Variants in CYP2U1 observed in about 807,000 individuals in gnomAD.
CYP2U1 encodes cytochrome P450 family 2 subfamily U member 1, also known as cytochrome P450 2U1.
A neutral mutation model predicts 42.8 loss-of-function variants in CYP2U1; 28 were observed. The ratio of observed to expected loss-of-function variants is 0.65; its 90% CI spans 0.48 to 0.90. CYP2U1 has a LOEUF of 0.90. CYP2U1 is among the 40% of genes least tolerant of loss of function. The pLI, the probability that CYP2U1 is intolerant of heterozygous loss-of-function variation, is 0.00. For synonymous variants in CYP2U1, 296 were observed against 278.9 expected (o/e 1.06, Z -0.61); for missense variants, 642 against 693.8 (o/e 0.93, Z 0.84).
intron 1 of CYP2U1, 153 bp downstream of exon 1, chr4:107,932,286 C>T (rs1224059766): frequency 1.1e-6 from 1 of 895,028 alleles, no homozygotes; most frequent in Non-Finnish European, 1.3e-6. Flanking sequence ...GTGGTGGCGG[C>T]GCTTCTCCTT....
intron 1 of CYP2U1, among the ~76,000 whole-genome samples, chr4:107,932,747 G>A (rs895263482): frequency 6.6e-6 from 1 of 152,176 alleles, no homozygotes; most frequent in Non-Finnish European, 1.5e-5. Flanking sequence ...GTCCCCCTTT[G>A]TCTTACTGGC....
intron 3 of CYP2U1, among the ~76,000 whole-genome samples, chr4:107,948,823 C>G (rs1317559968): frequency 6.6e-6 from 1 of 151,984 alleles, no homozygotes; most frequent in Non-Finnish European, 1.5e-5. Flanking sequence ...GATCACTTAA[C>G]GGGTTTTTTT....
At position 107,952,687 on chromosome 4, in the gene CYP2U1, A is replaced by G. The variant is rs1462884063; in HGVS notation, c.*2264A>G. 6.6e-6 allele frequency: 1 copy of G among 152,216 alleles called. No individual in the cohort carries two copies. The highest frequency in any genetic ancestry group is 1.5e-5 in the Non-Finnish European group (1 of 68,036). 9.4% of individuals were successfully genotyped at this position (152,216 alleles called of 1,614,324 possible). On this transcript the variant is annotated 3_prime_UTR_variant, in exon 5 of 5. Coordinates refer to ENST00000332884, the MANE Select transcript of CYP2U1 (RefSeq NM_183075.3). The stretch of plus-strand genomic sequence containing the variant: ...ATGGCATTCCAGGGCAATTGTGAAC[A>G]TGAGGCTAGATTTTTCCTTTGATTT...
chr4:107,935,615 A>T (rs973977624), intron 1 of CYP2U1: 6 of 152,266 alleles, frequency 3.9e-5, no homozygotes, highest in African/African-American at 1.2e-4. Context: ...AGAGTGAAGA[A>T]TAAAAAGGGA....
intron 1 of CYP2U1, chr4:107,938,511 T>C (rs928818979): frequency 6.6e-6 from 1 of 152,134 alleles, no homozygotes; most frequent in Non-Finnish European, 1.5e-5. Flanking sequence ...CATTTTTCAT[T>C]GAAAAGCTGG....
intron 3 of CYP2U1, among the ~76,000 whole-genome samples, chr4:107,948,191 C>T (rs1733773426): frequency 7.3e-6 from 1 of 137,682 alleles, no homozygotes; most frequent in Non-Finnish European, 1.6e-5. Flanking sequence ...TCGCTTGGAC[C>T]TGGGAGGTTG....
rs781551534 is a variant in CYP2U1, at chr4:107,947,538, G to C, written c.1288+1G>C. On this transcript the variant is annotated splice_donor_variant, in intron 3 of 4. Coordinates refer to ENST00000332884, the MANE Select transcript of CYP2U1 (RefSeq NM_183075.3). LOFTEE classifies it high-confidence loss of function. Reference sequence around the variant, plus strand: ...CCTCATATGACCTCAGAGAACACAGGCAAGTCCAGGGTCTTCCTCTTTGAA... The same window carrying C: ...CCTCATATGACCTCAGAGAACACAGCCAAGTCCAGGGTCTTCCTCTTTGAA... 3.1e-6 allele frequency: 5 copies of C among 1,613,880 alleles called. No homozygotes were observed. The highest frequency in any genetic ancestry group is 2.2e-5 in the South Asian group (2 of 91,054).
chr4:107,952,998 G>C lies in CYP2U1; in HGVS notation c.*2575G>C, dbSNP rs1560706391. 1 of 152,174 alleles carries C rather than the reference G, an allele frequency of 6.6e-6. No individual in the cohort carries two copies. The highest frequency in any genetic ancestry group is 2.4e-5 in the African/African-American group (1 of 41,444). 9.4% of individuals were successfully genotyped at this position (152,174 alleles called of 1,614,324 possible). On this transcript the variant is annotated 3_prime_UTR_variant, in exon 5 of 5. Coordinates refer to ENST00000332884, the MANE Select transcript of CYP2U1 (RefSeq NM_183075.3). ...GAACTGAGTGGATGGGGTAGCTGCT[G>C]TATAGATTTTTAGATGAGATGATAC...
chr4:107,945,247 A>G lies in CYP2U1; in HGVS notation c.768A>G (p.Ser256=), dbSNP rs556388568. 3.1e-6 allele frequency: 5 copies of G among 1,614,116 alleles called. No individual in the cohort carries two copies. In the East Asian group the frequency reaches 1.1e-4, roughly 36 times the overall value. ...TCAAGAAAATGCTTGGTTTTATGTC[A>G]CGAGGCCTAGAAATCTGTCTGAACA... The part of the protein sequence containing the change: ...SEFKKMLGFM[S]RGLEICLNSQ... Residue 256 remains serine (S), a synonymous_variant, in exon 2 of 5, where the codon TCA becomes TCG. Coordinates refer to ENST00000332884, the MANE Select transcript of CYP2U1 (RefSeq NM_183075.3).
Position 107,931,732 on chromosome 4 carries a change from T to C in CYP2U1, c.89T>C (p.Leu30Pro). ...LLRAPLGLLR[L>P]DPSGGALLLC... ...CGTGCGCCTCTGGGGCTGCTGCGGC[T>C]GGACCCCAGCGGGGGCGCGCTGCTG... Residue 30 changes from leucine (L) to proline (P), a missense_variant, in exon 1 of 5, where the codon CTG becomes CCG. Leu to Pro is a moderately conservative substitution (Grantham distance 98). Coordinates refer to ENST00000332884, the MANE Select transcript of CYP2U1 (RefSeq NM_183075.3). 1 of 1,411,536 alleles carries C rather than the reference T, an allele frequency of 7.1e-7. No individual in the cohort carries two copies. The allele number at this position is 1,411,536 out of a possible 1,614,324, so 87.4% of individuals were successfully genotyped here. A position where few individuals can be genotyped will look rare whatever the true frequency, so the allele number is the denominator to read the frequency against.
intron 1 of CYP2U1, among the ~76,000 whole-genome samples, chr4:107,939,283 C>G (rs1427536133): frequency 6.6e-6 from 1 of 152,184 alleles, no homozygotes; most frequent in East Asian, 1.9e-4. Context: ...CCTCTGAATA[C>G]TCTGCAGCAG....
chr4:107,950,383 T>G lies in CYP2U1; in HGVS notation c.1595T>G (p.Leu532Ter). 6.2e-7 allele frequency: 1 copy of G among 1,613,316 alleles called. No homozygotes were observed. The highest frequency in any genetic ancestry group is 8.5e-7 in the Non-Finnish European group (1 of 1,179,818). The change falls in exon 5 of 5, where the codon TTA becomes TGA. Residue 532 changes from leucine to a stop codon, truncating the protein, a stop_gained. Coordinates refer to ENST00000332884, the MANE Select transcript of CYP2U1 (RefSeq NM_183075.3). LOFTEE classifies it high-confidence loss of function. ...CTGACTGGAAGATTTGGTCTAACTT[T>G]AGCCCCACATCCATTTAATATAACT... is the stretch of plus-strand genomic sequence containing the variant. ...PLLTGRFGLT[L>*]APHPFNITIS...
At chr4:107,935,647 T>C (rs950167816) in intron 1 of CYP2U1, 10 of 152,198 alleles carry the variant, frequency 6.6e-5, no homozygotes, top group African/African-American at 2.4e-4. Context: ...TATTTCAAGA[T>C]GATCATCAAA....
intron 2 of CYP2U1, among the ~76,000 whole-genome samples, chr4:107,946,826 A>C (rs901768880): frequency 6.6e-6 from 1 of 152,058 alleles, no homozygotes; most frequent in African/African-American, 2.4e-5. Flanking sequence ...TGACCCTTCC[A>C]TAAGGCCACT....
Position 107,931,670 on chromosome 4 carries a change from G to GCCGGCCGAGGAC in CYP2U1, c.31_42dup (p.Ala11_Pro14dup), listed in dbSNP as rs1026306428. 7 of 1,261,720 alleles carry GCCGGCCGAGGAC rather than the reference G, an allele frequency of 5.5e-6. No homozygotes were observed. In the African/African-American group the frequency reaches 1.1e-4, roughly 20 times the overall value. 78.2% of individuals were successfully genotyped at this position (1,261,720 alleles called of 1,614,324 possible). On this transcript the variant is annotated inframe_insertion, in exon 1 of 5. Transcript: ENST00000332884. ...TGTCGTCTCCGGGGCCGTCGCAGCC[G>GCCGGCCGAGGAC]CCGGCCGAGGACCCGCCCTGGCCCG... is the stretch of plus-strand genomic sequence containing the variant.
rs184089261 is a variant in CYP2U1, at chr4:107,943,208, A to G, written c.491-1762A>G. Among the ~76,000 whole-genome samples, 160 of 152,352 alleles carry G rather than the reference A, an allele frequency of 1.1e-3. 1 individual carries two copies. Among genetic ancestry groups the G allele is most frequent in the African/African-American group, 3.8e-3 (156 of 41,590 alleles). On this transcript the variant is annotated intron_variant, in intron 1 of 4. Transcript: ENST00000332884. ...CATTGACAAGTATCAAGTGATGGCAACTATTCTGAACAAATGAGAACATTT... is the reference window on the plus strand; with the variant it reads ...CATTGACAAGTATCAAGTGATGGCAGCTATTCTGAACAAATGAGAACATTT...
rs2126199509 is a variant in CYP2U1, at chr4:107,945,404, C to T, written c.925C>T (p.Leu309=). The T allele has an allele frequency of 6.2e-7, 1 of 1,613,996 alleles. No homozygotes were observed. Among genetic ancestry groups the T allele is most frequent in the Non-Finnish European group, 8.5e-7 (1 of 1,179,998 alleles). The change falls in exon 2 of 5, where the codon CTG becomes TTG. Residue 309 remains leucine (L), a synonymous_variant. Coordinates refer to ENST00000332884, the MANE Select transcript of CYP2U1 (RefSeq NM_183075.3). ...KKIIKDHQES[L]DRENPQDFID... is the part of the protein sequence containing the mutation. ...AATCATCAAAGACCATCAAGAGTCT[C>T]TGGATAGAGAGAACCCTCAGGACTT...
intron 1 of CYP2U1, chr4:107,938,165 C>T (rs548307280): frequency 6.6e-6 from 1 of 152,238 alleles, no homozygotes; most frequent in South Asian, 2.1e-4. Context: ...ACCTTCTTGG[C>T]CACAGTGATA....
Position 107,945,120 on chromosome 4 carries a change from G to T in CYP2U1, c.641G>T (p.Gly214Val). ...KYVKAEMQKH[G>V]EDPFCPFSII... Reference sequence around the variant, plus strand: ...GTGAAAGCAGAAATGCAAAAGCACGGAGAAGACCCCTTCTGCCCTTTCTCC... The same window carrying T: ...GTGAAAGCAGAAATGCAAAAGCACGTAGAAGACCCCTTCTGCCCTTTCTCC... Residue 214 changes from glycine to valine, a missense_variant, in exon 2 of 5, where the codon GGA (glycine) becomes GTA (valine). Transcript: ENST00000332884. 8 of 1,613,868 alleles carry T rather than the reference G, an allele frequency of 5.0e-6. No homozygotes were observed. Among genetic ancestry groups the T allele is most frequent in the Non-Finnish European group, 6.8e-6 (8 of 1,179,990 alleles).
Sources: allele counts gnomAD v4.1 joint callset (sites outside exome capture counted in the v4.1 genomes callset), GRCh38; gene constraint gnomAD v4.1.1; transcripts MANE v1.5; gene names NCBI Gene and HGNC (gene_info 2026-07-23, HGNC 2026-07-21).